NYAP2: variants seen among roughly 807,000 people sequenced by gnomAD.
The protein encoded by NYAP2 is neuronal tyrosine-phosphorylated phosphoinositide-3-kinase adaptor 2, also known as neuronal tyrosine-phosphorylated phosphoinositide-3-kinase adapter 2.
A neutral mutation model predicts 50.4 loss-of-function variants in NYAP2; 23 were observed. The ratio of observed to expected loss-of-function variants is 0.46; its 90% CI spans 0.33 to 0.65. NYAP2 has a LOEUF of 0.65. Among genes scored for constraint, NYAP2 ranks in the 30% least tolerant of loss-of-function variants. The pLI, the probability that NYAP2 is intolerant of heterozygous loss-of-function variation, is 0.02. For missense variants in NYAP2, 885 were observed against 861.0 expected (o/e 1.03, Z -0.35); for synonymous variants, 394 against 365.2 (o/e 1.08, Z -0.90).
rs557721566 is a variant in NYAP2 at position 225,425,068 on chromosome 2, TA to T, written c.221+15974del. ...CTCAACTATAGAAACTTATTTTTTT[TA>T]AAAAAAGAAATAGAGCTTTCAGAAA... On this transcript the variant is annotated intron_variant, in intron 3 of 6. Coordinates refer to ENST00000636099, the Ensembl canonical transcript of NYAP2. 9.9e-5 allele frequency among the ~76,000 whole-genome samples: 15 copies of T among 152,104 alleles called. No homozygotes were observed. The East Asian group carries it at 2.9e-3, about 29-fold the overall frequency.
the NYAP2 span, among the ~76,000 whole-genome samples, chr2:225,659,166 G>C: frequency 3.3e-5 from 5 of 152,206 alleles, no homozygotes; most frequent in Non-Finnish European, 7.3e-5. Context: ...GAGGATGCCT[G>C]TTATCTAACT....
At chr2:225,487,232 G>T (rs1279824593) in intron 3 of NYAP2, among the ~76,000 whole-genome samples, 1 of 152,168 alleles carries the variant, frequency 6.6e-6, no homozygotes, top group Admixed American at 6.5e-5. Flanking sequence ...TAAATGGAGT[G>T]GACAGTGCAC....
intron 6 of NYAP2, among the ~76,000 whole-genome samples, chr2:225,628,702 A>C (rs1422265090): frequency 6.6e-6 from 1 of 152,200 alleles, no homozygotes. Context: ...TCTTATGATT[A>C]GTTTGGGGCT....
chr2:225,531,951 C>T (rs544462441), intron 4 of NYAP2, among the ~76,000 whole-genome samples: 1 of 152,288 alleles, frequency 6.6e-6, no homozygotes, highest in Admixed American at 6.5e-5. Context: ...GTGTTGTTGG[C>T]ACCATGTATC....
At chr2:225,531,089 A>G (rs1574661478) in intron 4 of NYAP2, among the ~76,000 whole-genome samples, 1 of 152,276 alleles carries the variant, frequency 6.6e-6, no homozygotes, top group East Asian at 1.9e-4. Context: ...CATTCTGCTC[A>G]TTTCATCTGA....
At chr2:225,407,517 T>G (rs1037941989) in intron 2 of NYAP2, among the ~76,000 whole-genome samples, 2 of 151,924 alleles carry the variant, frequency 1.3e-5, no homozygotes, top group African/African-American at 4.8e-5. Flanking sequence ...GCAGCTGAAA[T>G]GCTAATAAAG....
chr2:225,651,660 A>G, exon 7 of NYAP2: 1 of 1,379,144 alleles, frequency 7.3e-7, no homozygotes, highest in South Asian at 1.3e-5. Flanking sequence ...CTATGTGTGT[A>G]TGGGTTAGGG....
intron 3 of NYAP2, among the ~76,000 whole-genome samples, chr2:225,486,955 A>AT (rs1690311103): frequency 6.6e-6 from 1 of 152,198 alleles, no homozygotes; most frequent in Admixed American, 6.5e-5. Flanking sequence ...GGAGAACACC[A>AT]CTGGGATTGG....
At chr2:225,525,328 C>A (rs982599253) in intron 4 of NYAP2, among the ~76,000 whole-genome samples, 7 of 151,984 alleles carry the variant, frequency 4.6e-5, no homozygotes, top group Non-Finnish European at 1.0e-4. Context: ...GTATGTTTAT[C>A]GCAGCGCTAT....
intron 5 of NYAP2, among the ~76,000 whole-genome samples, chr2:225,602,443 G>A (rs1022896926): frequency 4.7e-4 from 71 of 152,226 alleles, no homozygotes; most frequent in African/African-American, 1.7e-3. Context: ...CTTATCTGGG[G>A]CCTGCAGTTT....
chr2:225,662,388 A>G, the NYAP2 span, among the ~76,000 whole-genome samples: 1 of 152,254 alleles, frequency 6.6e-6, no homozygotes, highest in Non-Finnish European at 1.5e-5. Context: ...AAGAAAACAT[A>G]TCCTCGCCCA....
downstream of NYAP2, among the ~76,000 whole-genome samples, chr2:225,655,882 C>T (rs1559242624): frequency 1.4e-5 from 1 of 69,234 alleles, no homozygotes; most frequent in African/African-American, 4.7e-5. Flanking sequence ...CCACAACCTC[C>T]ACTACACACA....
At chr2:225,649,371 T>A (rs1321301416) in intron 6 of NYAP2, among the ~76,000 whole-genome samples, 1 of 152,222 alleles carries the variant, frequency 6.6e-6, no homozygotes, top group Admixed American at 6.5e-5. Context: ...ACTTCAGATT[T>A]TGCTGCCCAT....
In NYAP2 at chr2:225,609,400, A is replaced by AGCTT. The variant is rs147359674; in HGVS notation, c.1619-17516_1619-17513dup. 5.4e-4 allele frequency among the ~76,000 whole-genome samples: 82 copies of AGCTT among 152,252 alleles called. 2 individuals carry two copies. The East Asian group carries it at 0.014, about 25-fold the overall frequency. On this transcript the variant is annotated intron_variant, in intron 5 of 6. Transcript: ENST00000636099. Reference sequence around the variant, plus strand: ...TCTCTTGTTCACCATCCCTGCAAACAGCTTTCCTCTTGCCATTTCTTAGGC... The same window carrying AGCTT: ...TCTCTTGTTCACCATCCCTGCAAACAGCTTGCTTTCCTCTTGCCATTTCTTAGGC...
intron 4 of NYAP2, among the ~76,000 whole-genome samples, chr2:225,570,337 A>G (rs1054929421): frequency 6.6e-6 from 1 of 152,216 alleles, no homozygotes; most frequent in Non-Finnish European, 1.5e-5. Context: ...TAGAACTAGA[A>G]TCCCACTTTG....
chr2:225,481,459 A>G (rs1449238807), intron 3 of NYAP2, among the ~76,000 whole-genome samples: 1 of 152,172 alleles, frequency 6.6e-6, no homozygotes, highest in Admixed American at 6.5e-5. Flanking sequence ...TTCAACATTA[A>G]GTTTGAACAT....
intron 2 of NYAP2, among the ~76,000 whole-genome samples, chr2:225,407,673 A>C (rs1694965149): frequency 1.3e-5 from 2 of 152,012 alleles, no homozygotes; most frequent in Admixed American, 6.6e-5. Flanking sequence ...GATATTTAAT[A>C]ATATCTTTCT....
At chr2:225,551,482 G>A (rs1236147905) in intron 4 of NYAP2, among the ~76,000 whole-genome samples, 1 of 152,212 alleles carries the variant, frequency 6.6e-6, no homozygotes, top group African/African-American at 2.4e-5. Context: ...ACCACATGGA[G>A]CAGAACTTCC....
chr2:225,614,334 G>T (rs982038523), intron 5 of NYAP2, among the ~76,000 whole-genome samples: 2 of 152,020 alleles, frequency 1.3e-5, no homozygotes, highest in African/African-American at 2.4e-5. Context: ...TTACAGATTT[G>T]GGGGTTTTGC....
Sources: gnomAD v4.1 joint callset for allele counts (sites outside exome capture counted in the v4.1 genomes callset) on GRCh38, gnomAD v4.1.1 for gene constraint, MANE v1.5 for transcripts, NCBI Gene and HGNC (gene_info 2026-07-23, HGNC 2026-07-21) for gene names.